DYNLRB2: variants seen among roughly 807,000 people sequenced by gnomAD.
The protein encoded by DYNLRB2 is dynein light chain roadblock-type 2, also known as bithoraxoid-like protein.
A neutral mutation model predicts 12.6 loss-of-function variants in DYNLRB2; 14 were observed. The ratio of observed to expected loss-of-function variants is 1.11; its 90% confidence interval spans 0.73 to 1.73. DYNLRB2 has a LOEUF of 1.73. Among genes scored for constraint, DYNLRB2 ranks in the 40% most tolerant of loss-of-function variants. DYNLRB2 has a pLI of 0.00. For missense variants in DYNLRB2, 142 were observed against 117.7 expected (o/e 1.21, Z -0.95); for synonymous variants, 53 against 37.0 (o/e 1.43, Z -1.57).
At chr16:80,542,061 T>A (rs1027261458) in intron 1 of DYNLRB2, among the ~76,000 whole-genome samples, 5 of 152,192 alleles carry the variant, frequency 3.3e-5, no homozygotes, top group Non-Finnish European at 7.3e-5. Context: ...AATACCACTG[T>A]CATTTGGAAA....
intron 2 of DYNLRB2, 96 bp downstream of exon 2, chr16:80,543,447 A>T: frequency 8.7e-7 from 1 of 1,152,204 alleles, no homozygotes. Context: ...CGAATTTGAC[A>T]TCAAAAATAT....
intron 2 of DYNLRB2, 32 bp downstream of exon 2, chr16:80,543,383 A>C: frequency 1.2e-6 from 2 of 1,608,570 alleles, no homozygotes; most frequent in Middle Eastern, 1.7e-4. Flanking sequence ...TTCTTGACAC[A>C]CAGAAGCCAA....
chr16:80,547,284 T>G lies in DYNLRB2; in HGVS notation c.80-2200T>G, dbSNP rs1238153870. Among the ~76,000 whole-genome samples the G allele has an allele frequency of 6.6e-5, 10 of 152,322 alleles. No homozygotes were observed. In the East Asian group the frequency reaches 1.5e-3, roughly 24 times the overall value. The stretch of plus-strand genomic sequence containing the variant: ...TTACAAACACAAACACATACATTCT[T>G]GAATAGACCTAGAATGTCTCTAGAA... On this transcript the variant is annotated intron_variant, in intron 2 of 3. Transcript: ENST00000305904.
rs1277468318 is a variant in DYNLRB2, at chr16:80,550,548, C to T, written c.281C>T (p.Pro94Leu). 6.2e-7 allele frequency: 1 copy of T among 1,614,146 alleles called. No homozygotes were observed. Among genetic ancestry groups the T allele is most frequent in the East Asian group, 2.2e-5 (1 of 44,874 alleles). Residue 94 changes from proline (P) to leucine (L), a missense_variant, in exon 4 of 4, where the codon CCA (proline) becomes CTA (leucine). Coordinates refer to ENST00000305904, the MANE Select transcript of DYNLRB2 (RefSeq NM_130897.3). ...TATCTTCTGATCGTCATTCAGAATC[C>T]ATGTGAATAGACCTGCGATGGCCAA... ...KEYLLIVIQN[P>L]CE
At chr16:80,550,156 C>A (rs1257886511) in intron 3 of DYNLRB2, among the ~76,000 whole-genome samples, 1 of 152,228 alleles carries the variant, frequency 6.6e-6, no homozygotes, top group Non-Finnish European at 1.5e-5. Flanking sequence ...CTAAACTAAT[C>A]TAGAACAAAC....
chr16:80,550,472 A>C, intron 3 of DYNLRB2, 43 bp from the exon 4 acceptor site: 1 of 1,610,364 alleles, frequency 6.2e-7, no homozygotes. Context: ...TCCTTGATTA[A>C]ATTTAAATTA....
chr16:80,548,736 A>G (rs981048161), intron 2 of DYNLRB2, among the ~76,000 whole-genome samples: 1 of 148,698 alleles, frequency 6.7e-6, no homozygotes, highest in Non-Finnish European at 1.5e-5. Flanking sequence ...CAAAAAAAAA[A>G]AAAAAATAGA....
chr16:80,545,770 G>A (rs1904420827), intron 2 of DYNLRB2, among the ~76,000 whole-genome samples: 1 of 139,812 alleles, frequency 7.2e-6, no homozygotes, highest in Non-Finnish European at 1.5e-5. Context: ...CTGCCTCCCT[G>A]GTTCACGCCA....
intron 2 of DYNLRB2, 96 bp from the exon 3 acceptor site, chr16:80,549,388 T>G: frequency 7.9e-7 from 1 of 1,268,322 alleles, no homozygotes; most frequent in Non-Finnish European, 1.0e-6. Context: ...CTTTTTTCTC[T>G]TCTTTACAAC....
intron 2 of DYNLRB2, among the ~76,000 whole-genome samples, chr16:80,543,631 C>A (rs1375081667): frequency 6.6e-6 from 1 of 152,168 alleles, no homozygotes; most frequent in African/African-American, 2.4e-5. Flanking sequence ...TTTGGTAATT[C>A]TCTTCCAACA....
intron 2 of DYNLRB2, among the ~76,000 whole-genome samples, chr16:80,543,976 CT>C (rs1161427635): frequency 6.6e-6 from 1 of 152,194 alleles, no homozygotes; most frequent in African/African-American, 2.4e-5. Context: ...TGGTGGCAAC[CT>C]CTTAAGAGTT....
rs1904713643 is a variant in DYNLRB2 at position 80,549,613 on chromosome 16, G to A, written c.209G>A (p.Arg70Lys). The A allele has an allele frequency of 1.2e-6, 2 of 1,611,588 alleles. No individual in the cohort carries two copies. The highest frequency in any genetic ancestry group is 1.7e-6 in the Non-Finnish European group (2 of 1,178,158). The change falls in exon 3 of 4, where the codon AGG becomes AAG. Residue 70 changes from arginine to lysine, a missense_variant. Physicochemically the swap from Arg to Lys is conservative, Grantham distance 26. Coordinates refer to ENST00000305904, the MANE Select transcript of DYNLRB2 (RefSeq NM_130897.3). ...CCTCAGAACGACCTGACTTTTCTTA[G>A]GATCAGATCAAAGAAACATGAAATC... ...IDPQNDLTFL[R>K]IRSKKHEIMV...
Position 80,545,666 on chromosome 16 carries a change from C to CTTTTTTTT in DYNLRB2, c.79+2327_79+2334dup, listed in dbSNP as rs775659372. On this transcript the variant is annotated intron_variant, in intron 2 of 3. Transcript: ENST00000305904. The stretch of plus-strand genomic sequence containing the variant: ...TATTATTTTCAGTACCCATTAGCTT[C>CTTTTTTTT]TTTTTTTTTTTTTTTTTTTGAGATG... Among the ~76,000 whole-genome samples, 46 of 74,914 alleles carry CTTTTTTTT rather than the reference C, an allele frequency of 6.1e-4. 16 individuals carry two copies. The highest frequency in any genetic ancestry group is 1.3e-3 in the East Asian group (3 of 2,226). 49.1% of individuals were successfully genotyped at this position (74,914 alleles called of 152,430 possible). A position where few individuals can be genotyped will look rare whatever the true frequency, so the allele number is the denominator to read the frequency against.
Position 80,543,312 on chromosome 16 carries a change from C to T in DYNLRB2, c.40C>T (p.His14Tyr). ...GGAAACCTTAAAGAGGATCCAGAGT[C>T]ATAAAGGGGTTATTGGAACTATGGT... Reference protein sequence around the residue: ...VEETLKRIQSHKGVIGTMVVN... With the variant: ...VEETLKRIQSYKGVIGTMVVN... Residue 14 changes from histidine to tyrosine, a missense_variant, in exon 2 of 4, where the codon CAT (histidine) becomes TAT (tyrosine). By Grantham distance (83) the His-to-Tyr change is moderately conservative. Transcript: ENST00000305904. The T allele has an allele frequency of 6.2e-7, 1 of 1,614,006 alleles. No individual in the cohort carries two copies. The highest frequency in any genetic ancestry group is 2.2e-5 in the East Asian group (1 of 44,872).
chr16:80,543,260 T>C lies in DYNLRB2; in HGVS notation c.4-16T>C. The C allele has an allele frequency of 6.2e-7, 1 of 1,613,676 alleles. No homozygotes were observed. Among genetic ancestry groups the C allele is most frequent in the South Asian group, 1.1e-5 (1 of 91,022 alleles). On this transcript the variant is annotated splice_polypyrimidine_tract_variant and intron_variant, in intron 1 of 3. Transcript: ENST00000305904. Reference sequence around the variant, plus strand: ...ACAGGGCCCTTTTGGTTAATTATCTTCCTGGTCTCTTTCAGGCAGAGGTGG... The same window carrying C: ...ACAGGGCCCTTTTGGTTAATTATCTCCCTGGTCTCTTTCAGGCAGAGGTGG...
intron 2 of DYNLRB2, chr16:80,548,175 A>G (rs1200445020): frequency 6.0e-6 from 1 of 167,722 alleles, no homozygotes; most frequent in African/African-American, 2.4e-5. Context: ...ATTCACCTTC[A>G]TATCTCCTCC....
At chr16:80,541,161 CA>C in intron 1 of DYNLRB2, 82 bp downstream of exon 1, 1 of 1,526,928 alleles carries the variant, frequency 6.5e-7, no homozygotes, top group Non-Finnish European at 8.8e-7. Flanking sequence ...TTCTGGGGCC[CA>C]CCCAGGCACG....
At chr16:80,541,551 G>C (rs1290793640) in intron 1 of DYNLRB2, among the ~76,000 whole-genome samples, 1 of 149,118 alleles carries the variant, frequency 6.7e-6, no homozygotes. Flanking sequence ...AAAAAGGAAA[G>C]AAGTGATGGG....
At chr16:80,541,721 G>T (rs1397978018) in intron 1 of DYNLRB2, among the ~76,000 whole-genome samples, 2 of 152,004 alleles carry the variant, frequency 1.3e-5, no homozygotes, top group Non-Finnish European at 2.9e-5. Flanking sequence ...GAAACAACTG[G>T]GTGGAGAAAT....
Sources: gnomAD v4.1 joint callset for allele counts (sites outside exome capture counted in the v4.1 genomes callset) on GRCh38, gnomAD v4.1.1 for gene constraint, MANE v1.5 for transcripts, NCBI Gene and HGNC (gene_info 2026-07-23, HGNC 2026-07-21) for gene names.